Variants in ESYT2 observed in about 807,000 individuals in gnomAD.
ESYT2 encodes extended synaptotagmin 2, also known as extended synaptotagmin-2.
A neutral mutation model predicts 107.2 loss-of-function variants in ESYT2; 54 were observed. That is an observed-to-expected ratio of 0.50 (90% CI 0.40 to 0.63). The LOEUF is 0.63. Among genes scored for constraint, ESYT2 ranks in the 30% least tolerant of loss-of-function variants. The pLI, the probability that ESYT2 is intolerant of heterozygous loss-of-function variation, is 0.00. For missense variants in ESYT2, 1,020 were observed against 1,094.5 expected (o/e 0.93, Z 0.96); for synonymous variants, 491 against 434.1 (o/e 1.13, Z -1.63).
At chr7:158,783,089 C>T (rs1474160899) in intron 6 of ESYT2, among the ~76,000 whole-genome samples, 1 of 152,178 alleles carries the variant, frequency 6.6e-6, no homozygotes, top group Non-Finnish European at 1.5e-5. Context: ...TGAGCTATTT[C>T]AGGAAACTGA....
chr7:158,778,225 G>T (rs1007867561), intron 6 of ESYT2, among the ~76,000 whole-genome samples: 1 of 152,076 alleles, frequency 6.6e-6, no homozygotes, highest in Non-Finnish European at 1.5e-5. Flanking sequence ...ATCTTTCAAG[G>T]AGAAGTCTAC....
intron 16 of ESYT2, among the ~76,000 whole-genome samples, chr7:158,745,946 AAAGT>A (rs1837386837): frequency 6.6e-6 from 1 of 152,232 alleles, no homozygotes; most frequent in South Asian, 2.1e-4. Context: ...GCAAAGACCC[AAAGT>A]AAGTGGGACT....
At chr7:158,811,935 G>A (rs144223101) in intron 1 of ESYT2, among the ~76,000 whole-genome samples, 2 of 152,348 alleles carry the variant, frequency 1.3e-5, no homozygotes, top group South Asian at 2.1e-4. Flanking sequence ...GGCTAGCCTC[G>A]AAGGAGCAAA....
At chr7:158,735,407 T>C in intron 21 of ESYT2, 96 bp downstream of exon 21, 1 of 998,292 alleles carries the variant, frequency 1.0e-6, no homozygotes. Context: ...AGTTCGCCCC[T>C]TCCACTTACA....
At chr7:158,808,468 AT>A (rs1311268704) in intron 1 of ESYT2, among the ~76,000 whole-genome samples, 1 of 152,248 alleles carries the variant, frequency 6.6e-6, no homozygotes, top group Non-Finnish European at 1.5e-5. Context: ...CCATTCAGAT[AT>A]GCCAAAGAGA....
chr7:158,758,109 T>C (rs1272235764), intron 13 of ESYT2, among the ~76,000 whole-genome samples: 13 of 151,986 alleles, frequency 8.6e-5, no homozygotes, highest in Non-Finnish European at 1.8e-4. Context: ...AATGTAAGAA[T>C]TCTTCTAAGA....
rs148719150 is a variant in ESYT2, at chr7:158,764,806, T to C, written c.972A>G (p.Lys324=). The change falls in exon 9 of 23, where the codon AAA becomes AAG. Residue 324 remains lysine (K), a synonymous_variant. Coordinates refer to ENST00000275418, the MANE Select transcript of ESYT2 (RefSeq NM_001367773.1). ...TGACAAGTCCCTTAAGGTAAGTGTC[T>C]TTCCCCTGAAGATCCTGAGCTTCAA... ...HFIEAQDLQG[K]DTYLKGLVKG... 427 of 1,614,072 alleles carry C rather than the reference T, an allele frequency of 2.6e-4. No homozygotes were observed. Among genetic ancestry groups the C allele is most frequent in the Non-Finnish European group, 3.3e-4 (385 of 1,180,038 alleles).
chr7:158,793,054 C>T (rs1162967442), intron 4 of ESYT2, among the ~76,000 whole-genome samples: 1 of 151,288 alleles, frequency 6.6e-6, no homozygotes, highest in Non-Finnish European at 1.5e-5. Context: ...AGGCATGAGC[C>T]ACCACGCCCG....
chr7:158,773,463 A>G (rs1050180534), intron 6 of ESYT2, 67 bp from the exon 7 acceptor site: 116 of 1,524,830 alleles, frequency 7.6e-5, no homozygotes, highest in Middle Eastern at 5.1e-4. Context: ...AGGTGCACAC[A>G]GGCTTGTTTC....
intron 8 of ESYT2, among the ~76,000 whole-genome samples, chr7:158,765,513 CA>C (rs1397227725): frequency 6.6e-6 from 1 of 152,094 alleles, no homozygotes; most frequent in Non-Finnish European, 1.5e-5. Context: ...GTGGGTAGAT[CA>C]ATTGAGGCCA....
intron 14 of ESYT2, 25 bp from the exon 15 acceptor site, chr7:158,749,748 A>G (rs369852329): frequency 4.4e-6 from 7 of 1,606,966 alleles, no homozygotes; most frequent in African/African-American, 4.0e-5. Context: ...CAGAAAACAG[A>G]CAAAATAAAT....
At chr7:158,812,428 G>C (rs1302271810) in intron 1 of ESYT2, among the ~76,000 whole-genome samples, 1 of 152,112 alleles carries the variant, frequency 6.6e-6, no homozygotes, top group Non-Finnish European at 1.5e-5. Context: ...ACATCCACTA[G>C]GACAGCAATA....
intron 7 of ESYT2, among the ~76,000 whole-genome samples, chr7:158,769,805 T>C (rs1329301681): frequency 6.6e-6 from 1 of 152,250 alleles, no homozygotes; most frequent in Admixed American, 6.5e-5. Context: ...ATTCTTACTC[T>C]ATAATGTCTG....
At chr7:158,778,792 G>A (rs906356887) in intron 6 of ESYT2, among the ~76,000 whole-genome samples, 3 of 151,084 alleles carry the variant, frequency 2.0e-5, no homozygotes, top group Non-Finnish European at 4.4e-5. Context: ...TTTTTATATC[G>A]TGTATAAAGG....
chr7:158,794,830 A>G (rs149373967), intron 3 of ESYT2, among the ~76,000 whole-genome samples: 18 of 152,308 alleles, frequency 1.2e-4, no homozygotes, highest in Non-Finnish European at 1.6e-4. Flanking sequence ...TTTGACAAGC[A>G]TGAGTGTATT....
At position 158,749,683 on chromosome 7, in the gene ESYT2, T is replaced by C. The variant is rs751386213; in HGVS notation, c.1523A>G (p.Gln508Arg). The change falls in exon 15 of 23, where the codon CAG becomes CGG. Residue 508 changes from glutamine (Q) to arginine (R), a missense_variant. Coordinates refer to ENST00000275418, the MANE Select transcript of ESYT2 (RefSeq NM_001367773.1). ...KISSNPNPVV[Q>R]MSVGHKAQES... ...CTGGGCCTTGTGCCCAACTGACATC[T>C]GGACAACAGGATTTGGGTTGCTGCT... 2 of 1,614,074 alleles carry C rather than the reference T, an allele frequency of 1.2e-6. No homozygotes were observed. Among genetic ancestry groups the C allele is most frequent in the Admixed American group, 1.7e-5 (1 of 60,000 alleles).
rs1836758498 is a variant in ESYT2 at position 158,731,663 on chromosome 7, T to C, written c.*2544A>G. ...CACCTTCCTACTTTAAGGCACAGGA[T>C]CAGGATAAGAACCCACATGTACGAG... On this transcript the variant is annotated 3_prime_UTR_variant, in exon 23 of 23. Transcript: ENST00000275418. 6.6e-6 allele frequency: 1 copy of C among 152,654 alleles called. No individual in the cohort carries two copies. Among genetic ancestry groups the C allele is most frequent in the East Asian group, 1.9e-4 (1 of 5,198 alleles). 9.5% of individuals were successfully genotyped at this position (152,654 alleles called of 1,614,324 possible).
chr7:158,750,310 G>A (rs1837540264), intron 14 of ESYT2, among the ~76,000 whole-genome samples: 1 of 151,976 alleles, frequency 6.6e-6, no homozygotes, highest in Non-Finnish European at 1.5e-5. Context: ...TAAATATGAA[G>A]AAAAAATTCA....
At chr7:158,818,248 T>C (rs1225618895) in intron 1 of ESYT2, among the ~76,000 whole-genome samples, 3 of 151,978 alleles carry the variant, frequency 2.0e-5, no homozygotes, top group Non-Finnish European at 4.4e-5. Context: ...GGAAGTGGAG[T>C]CAAGAAAGAT....
Sources: allele counts gnomAD v4.1 joint callset (sites outside exome capture counted in the v4.1 genomes callset), GRCh38; gene constraint gnomAD v4.1.1; transcripts MANE v1.5; gene names NCBI Gene and HGNC (gene_info 2026-07-23, HGNC 2026-07-21).